The following PAFAH1B1 variants were observed in gnomAD, a reference collection of about 807,000 sequenced individuals.
PAFAH1B1 encodes the protein platelet-activating factor acetylhydrolase IB subunit beta.
PAFAH1B1 carries 2 observed loss-of-function variants against 57.5 expected under a neutral mutation model. That is an observed-to-expected ratio of 0.03 (90% confidence interval 0.01 to 0.11). PAFAH1B1 has a LOEUF of 0.11. Among genes scored for constraint, PAFAH1B1 ranks in the 10% least tolerant of loss-of-function variants. The probability of loss-of-function intolerance (pLI) is 1.00; values close to 1 mark genes in which losing one functional copy is unlikely to be tolerated. For synonymous variants in PAFAH1B1, 152 were observed against 169.6 expected (o/e 0.90, Z 0.81); for missense variants, 257 against 512.0 (o/e 0.50, Z 4.81).
chr17:2,670,059 G>A (rs1232246495), intron 5 of PAFAH1B1, 104 bp from the exon 6 acceptor site: 13 of 880,262 alleles, frequency 1.5e-5, no homozygotes, highest in East Asian at 1.2e-4. Context: ...TTACTTGTTC[G>A]GTTAGTTACT....
At chr17:2,606,407 C>T (rs1484378982) in intron 1 of PAFAH1B1, among the ~76,000 whole-genome samples, 1 of 152,092 alleles carries the variant, frequency 6.6e-6, no homozygotes, top group Non-Finnish European at 1.5e-5. Context: ...CTCTTGTCGC[C>T]CAGGCTGGAG....
chr17:2,666,880 A>T (rs1597568950), intron 4 of PAFAH1B1, 112 bp from the exon 5 acceptor site: 1 of 699,542 alleles, frequency 1.4e-6, no homozygotes, highest in Non-Finnish European at 2.5e-6. Context: ...GATTACTGAA[A>T]TTTTTTCAAG....
intron 1 of PAFAH1B1, among the ~76,000 whole-genome samples, chr17:2,632,683 TTAA>T (rs1358420266): frequency 2.0e-5 from 3 of 152,224 alleles, no homozygotes; most frequent in African/African-American, 4.8e-5. Flanking sequence ...TGTCATTCTC[TTAA>T]TAATACATTA....
At chr17:2,654,896 C>A (rs992806457) in intron 2 of PAFAH1B1, among the ~76,000 whole-genome samples, 1 of 151,898 alleles carries the variant, frequency 6.6e-6, no homozygotes, top group Non-Finnish European at 1.5e-5. Flanking sequence ...CCTGCCTCAG[C>A]CTCTCGAAGT....
chr17:2,676,220 A>G, intron 8 of PAFAH1B1: 1 of 367,088 alleles, frequency 2.7e-6, no homozygotes. Context: ...TCTACTAAAA[A>G]TACAAAAATT....
intron 1 of PAFAH1B1, among the ~76,000 whole-genome samples, chr17:2,606,503 T>C (rs1049140013): frequency 5.9e-5 from 9 of 152,012 alleles, no homozygotes; most frequent in East Asian, 5.8e-4. Context: ...GCTGGAATTA[T>C]GGGTGCCTGC....
rs1395445310 is a variant in PAFAH1B1 at position 2,682,427 on chromosome 17, A to G, written c.*625A>G. On this transcript the variant is annotated 3_prime_UTR_variant, in exon 11 of 11. Coordinates refer to ENST00000397195, the MANE Select transcript of PAFAH1B1 (RefSeq NM_000430.4). ...CCTATCACGCAGAGGCTAGTGGTAT[A>G]TTTATGTAAGAAAATGACTGTAAAT... 2.0e-5 allele frequency: 3 copies of G among 152,630 alleles called. No individual in the cohort carries two copies. The highest frequency in any genetic ancestry group is 2.0e-4 in the Admixed American group (3 of 15,280). 9.5% of individuals were successfully genotyped at this position (152,630 alleles called of 1,614,324 possible).
intron 1 of PAFAH1B1, among the ~76,000 whole-genome samples, chr17:2,630,760 T>A (rs968825048): frequency 6.6e-6 from 1 of 152,226 alleles, no homozygotes; most frequent in African/African-American, 2.4e-5. Context: ...TTAGGTTTGG[T>A]CGTTTAAGAT....
At chr17:2,618,669 C>T (rs1039091390) in intron 1 of PAFAH1B1, among the ~76,000 whole-genome samples, 3 of 151,652 alleles carry the variant, frequency 2.0e-5, no homozygotes, top group Admixed American at 2.0e-4. Flanking sequence ...TATTTTGAGA[C>T]AGAGTTTCGC....
At chr17:2,593,588 T>TGGGGCGGCGGCG (rs1041737286), upstream of PAFAH1B1, among the ~76,000 whole-genome samples, 3 of 135,356 alleles carry the variant, frequency 2.2e-5, no homozygotes, top group African/African-American at 5.2e-5. Flanking sequence ...CTGGCGGGTC[T>TGGGGCGGCGGCG]GGGGCGGCGG....
At chr17:2,653,618 G>A (rs2068897039) in intron 2 of PAFAH1B1, among the ~76,000 whole-genome samples, 1 of 152,084 alleles carries the variant, frequency 6.6e-6, no homozygotes, top group African/African-American at 2.4e-5. Flanking sequence ...TGTTTGCACT[G>A]TTTACCTGTG....
chr17:2,673,404 C>CAG (rs1045571833), intron 7 of PAFAH1B1, among the ~76,000 whole-genome samples: 2 of 152,100 alleles, frequency 1.3e-5, no homozygotes, highest in Non-Finnish European at 2.9e-5. Context: ...CTTTGGGAGG[C>CAG]AGAGGCGGGC....
intron 1 of PAFAH1B1, among the ~76,000 whole-genome samples, chr17:2,625,931 G>A (rs2068483489): frequency 6.6e-6 from 1 of 151,948 alleles, no homozygotes. Context: ...GACAGAGTGA[G>A]GACCCTGTCT....
intron 9 of PAFAH1B1, among the ~76,000 whole-genome samples, chr17:2,677,026 G>C (rs916888717): frequency 2.4e-4 from 37 of 152,128 alleles, no homozygotes; most frequent in African/African-American, 8.9e-4. Context: ...GGTGGCGGGC[G>C]CCTGTAGTCC....
intron 2 of PAFAH1B1, among the ~76,000 whole-genome samples, chr17:2,659,241 G>A (rs1320801873): frequency 1.4e-5 from 2 of 143,620 alleles, no homozygotes; most frequent in Admixed American, 1.4e-4. Context: ...ATAAGACTCC[G>A]TTTCAAAAAA....
chr17:2,657,651 C>G (rs1217388176), intron 2 of PAFAH1B1, among the ~76,000 whole-genome samples: 3 of 152,206 alleles, frequency 2.0e-5, no homozygotes, highest in Admixed American at 2.0e-4. Flanking sequence ...GTAATACTTA[C>G]TATTTCCTTT....
chr17:2,646,997 C>T (rs772483204), intron 2 of PAFAH1B1, among the ~76,000 whole-genome samples: 4 of 151,656 alleles, frequency 2.6e-5, no homozygotes, highest in Non-Finnish European at 5.9e-5. Context: ...TCAGAGAGGC[C>T]GAGGTGGGTG....
intron 2 of PAFAH1B1, among the ~76,000 whole-genome samples, chr17:2,655,183 A>ATGTGTGTGTGTGTG (rs34493806): frequency 6.3e-4 from 90 of 143,932 alleles, no homozygotes; most frequent in African/African-American, 1.1e-3. Flanking sequence ...ATATACATAT[A>ATGTGTGTGTGTGTG]TGTGTGTGTG....
At chr17:2,615,887 C>T (rs2068333668) in intron 1 of PAFAH1B1, among the ~76,000 whole-genome samples, 1 of 151,784 alleles carries the variant, frequency 6.6e-6, no homozygotes, top group Non-Finnish European at 1.5e-5. Context: ...ATAAGGAAAT[C>T]CAGGAGGTGA....
Sources: gnomAD v4.1 joint callset for allele counts (sites outside exome capture counted in the v4.1 genomes callset) on GRCh38, gnomAD v4.1.1 for gene constraint, MANE v1.5 for transcripts, NCBI Gene and HGNC (gene_info 2026-07-23, HGNC 2026-07-21) for gene names.